The following OPCML variants were observed in gnomAD, a reference collection of about 807,000 sequenced individuals.
OPCML encodes opioid-binding protein/cell adhesion molecule.
Under a neutral mutation model 37.8 loss-of-function variants are expected in OPCML, and 13 were observed. The observed-to-expected ratio is 0.34, with a 90% CI of 0.22 to 0.55. The LOEUF (loss-of-function observed/expected upper bound fraction) is 0.55, where lower values mean the gene tolerates loss of function less well. Among genes scored for constraint, OPCML ranks in the 20% least tolerant of loss-of-function variants. OPCML has a pLI of 0.91. For missense variants in OPCML, 341 were observed against 435.6 expected (o/e 0.78, Z 1.93); for synonymous variants, 176 against 168.8 (o/e 1.04, Z -0.33).
chr11:132,991,313 C>T (rs1946770904), intron 1 of OPCML, among the ~76,000 whole-genome samples: 2 of 152,128 alleles, frequency 1.3e-5, no homozygotes, highest in Admixed American at 6.5e-5. Flanking sequence ...GGAAAGATTG[C>T]CTGGATCATA....
chr11:132,897,240 G>A (rs1943884755), intron 2 of OPCML, among the ~76,000 whole-genome samples: 1 of 152,166 alleles, frequency 6.6e-6, no homozygotes, highest in African/African-American at 2.4e-5. Flanking sequence ...GCAAGGCTCT[G>A]CCATCATCTG....
At chr11:133,120,621 T>C (rs550625750) in intron 1 of OPCML, among the ~76,000 whole-genome samples, 93 of 152,330 alleles carry the variant, frequency 6.1e-4, no homozygotes, top group African/African-American at 2.2e-3. Flanking sequence ...TAGTCAATAA[T>C]TGAACTCAGG....
chr11:132,875,174 C>T (rs116541661), intron 2 of OPCML, among the ~76,000 whole-genome samples: 3,976 of 152,232 alleles, frequency 0.026, 163 homozygotes, highest in African/African-American at 0.089. Context: ...GTAGAAATTA[C>T]AATGAACTCA....
chr11:132,734,923 G>T (rs1945199805), intron 2 of OPCML, among the ~76,000 whole-genome samples: 2 of 152,156 alleles, frequency 1.3e-5, no homozygotes, highest in African/African-American at 4.8e-5. Context: ...GAAACTGAAA[G>T]AAAGGTGATT....
chr11:133,437,827 G>C (rs190360408), intron 1 of OPCML, among the ~76,000 whole-genome samples: 1 of 152,118 alleles, frequency 6.6e-6, no homozygotes, highest in East Asian at 1.9e-4. Context: ...CAGCAAAACT[G>C]AATGCTACCA....
intron 1 of OPCML, among the ~76,000 whole-genome samples, chr11:132,958,978 T>C (rs931819522): frequency 6.6e-6 from 1 of 152,244 alleles, no homozygotes; most frequent in African/African-American, 2.4e-5. Context: ...CTTTCAAATT[T>C]TATTATTCAA....
At chr11:132,510,319 G>A (rs1425287357) in intron 4 of OPCML, among the ~76,000 whole-genome samples, 1 of 152,134 alleles carries the variant, frequency 6.6e-6, no homozygotes, top group Non-Finnish European at 1.5e-5. Flanking sequence ...TGAGACTTTG[G>A]ACTGTGGACT....
At chr11:132,470,390 A>G (rs1044604788) in intron 4 of OPCML, among the ~76,000 whole-genome samples, 4 of 152,154 alleles carry the variant, frequency 2.6e-5, no homozygotes, top group African/African-American at 9.7e-5. Flanking sequence ...TATGTGCTAC[A>G]ATGAGATGGA....
At chr11:132,550,045 C>A (rs897135317) in intron 3 of OPCML, among the ~76,000 whole-genome samples, 1 of 152,138 alleles carries the variant, frequency 6.6e-6, no homozygotes, top group Admixed American at 6.5e-5. Flanking sequence ...TGTGTACTTG[C>A]CCTGAATTCT....
At chr11:132,583,126 C>T (rs80034736) in intron 3 of OPCML, among the ~76,000 whole-genome samples, 39 of 152,182 alleles carry the variant, frequency 2.6e-4, no homozygotes, top group African/African-American at 9.2e-4. Flanking sequence ...AGGATCACAA[C>T]TCTGCAGTCT....
intron 1 of OPCML, among the ~76,000 whole-genome samples, chr11:132,964,399 T>C (rs1332684911): frequency 6.6e-6 from 1 of 152,188 alleles, no homozygotes; most frequent in Non-Finnish European, 1.5e-5. Flanking sequence ...CCTTCAGATG[T>C]GGGTTCAAAT....
intron 3 of OPCML, among the ~76,000 whole-genome samples, chr11:132,565,903 G>A (rs2096421808): frequency 6.6e-6 from 1 of 152,124 alleles, no homozygotes. Context: ...CATGGTGGCG[G>A]GCGCCTGCAG....
intron 1 of OPCML, among the ~76,000 whole-genome samples, chr11:133,169,992 G>GA (rs34416121): frequency 9.5e-4 from 144 of 151,624 alleles, no homozygotes; most frequent in African/African-American, 3.3e-3. Context: ...TTTAAAATAG[G>GA]AAAAAAAAAG....
At chr11:133,413,183 T>C (rs1469365535) in intron 1 of OPCML, among the ~76,000 whole-genome samples, 8 of 152,052 alleles carry the variant, frequency 5.3e-5, no homozygotes, top group Non-Finnish European at 1.2e-4. Context: ...GATCAGATGT[T>C]GTAGGGGCTC....
intron 1 of OPCML, among the ~76,000 whole-genome samples, chr11:133,369,976 T>C (rs910179461): frequency 6.6e-6 from 1 of 152,220 alleles, no homozygotes. Context: ...AATTCATTTA[T>C]GTTCCATATA....
rs1941524960 is a variant in OPCML, at chr11:132,653,260, A to T, written c.379+3827T>A. ...TTAATTCTTCCTCTTTCCAGGTATG[A>T]GGATGAATGCTCTCAGTTTCCTGTG... On this transcript the variant is annotated intron_variant, in intron 3 of 7. Transcript: ENST00000524381. Among the ~76,000 whole-genome samples, 3 of 152,192 alleles carry T rather than the reference A, an allele frequency of 2.0e-5. No individual in the cohort carries two copies. In the South Asian group the frequency reaches 6.2e-4, roughly 32 times the overall value.
chr11:132,449,795 A>T (rs1353280323), intron 4 of OPCML, among the ~76,000 whole-genome samples: 1 of 152,138 alleles, frequency 6.6e-6, no homozygotes, highest in Non-Finnish European at 1.5e-5. Flanking sequence ...CGGTTTCTTT[A>T]TCTGCAAAAC....
intron 3 of OPCML, among the ~76,000 whole-genome samples, chr11:132,554,695 G>A (rs1206721840): frequency 6.6e-6 from 1 of 152,052 alleles, no homozygotes; most frequent in Non-Finnish European, 1.5e-5. Context: ...AATTCACTAG[G>A]CTTTCCAATG....
At chr11:133,200,285 A>G (rs1291117089) in intron 1 of OPCML, among the ~76,000 whole-genome samples, 1 of 152,158 alleles carries the variant, frequency 6.6e-6, no homozygotes, top group Non-Finnish European at 1.5e-5. Context: ...TTCTACATTT[A>G]TATGCACCTG....
Sources: gnomAD v4.1 joint callset for allele counts (sites outside exome capture counted in the v4.1 genomes callset) on GRCh38, gnomAD v4.1.1 for gene constraint, MANE v1.5 for transcripts, NCBI Gene and HGNC (gene_info 2026-07-23, HGNC 2026-07-21) for gene names.